Variants in LRPPRC observed in about 807,000 individuals in gnomAD.
LRPPRC encodes leucine rich pentatricopeptide repeat containing.
A neutral mutation model predicts 180.3 loss-of-function variants in LRPPRC; 120 were observed. That is an observed-to-expected ratio of 0.67 (90% CI 0.57 to 0.77). The LOEUF (loss-of-function observed/expected upper bound fraction) is 0.77. LRPPRC is among the 30% of genes least tolerant of loss of function. The pLI, the probability that LRPPRC is intolerant of heterozygous loss-of-function variation, is 0.00. For missense variants in LRPPRC, 2,012 were observed against 1,657.2 expected (o/e 1.21, Z -3.72); for synonymous variants, 723 against 600.0 (o/e 1.21, Z -3.00).
intron 25 of LRPPRC, among the ~76,000 whole-genome samples, chr2:43,933,159 T>C (rs1672151047): frequency 6.6e-6 from 1 of 152,190 alleles, no homozygotes; most frequent in Non-Finnish European, 1.5e-5. Flanking sequence ...TGCTGACAAG[T>C]GGGCAGATTG....
intron 26 of LRPPRC, among the ~76,000 whole-genome samples, chr2:43,925,459 T>C (rs981680100): frequency 5.3e-5 from 8 of 152,200 alleles, no homozygotes; most frequent in Admixed American, 5.2e-4. Context: ...GAGAACTCAA[T>C]GAGTGTATCG....
rs116311240 is a variant in LRPPRC, at chr2:43,929,854, G to A, written c.2737-3893C>T. Among the ~76,000 whole-genome samples the A allele has an allele frequency of 7.0e-4, 106 of 152,134 alleles. 1 individual carries two copies. Among genetic ancestry groups the A allele is most frequent in the African/African-American group, 2.5e-3 (104 of 41,508 alleles). On this transcript the variant is annotated intron_variant, in intron 25 of 37. Coordinates refer to ENST00000260665, the MANE Select transcript of LRPPRC (RefSeq NM_133259.4). ...TCATGAACTAAAAAATTATCCACTT[G>A]ACCAGGTGTTATAGGAGATACTAAA...
At chr2:43,926,673 G>A (rs1671890575) in intron 25 of LRPPRC, among the ~76,000 whole-genome samples, 1 of 152,166 alleles carries the variant, frequency 6.6e-6, no homozygotes, top group Non-Finnish European at 1.5e-5. Flanking sequence ...GACTGCACGT[G>A]CTCTTTCTCA....
In LRPPRC at chr2:43,975,123, C is replaced by T; in HGVS notation, c.832G>A (p.Ala278Thr). 5 of 1,613,384 alleles carry T rather than the reference C, an allele frequency of 3.1e-6. No homozygotes were observed. The highest frequency in any genetic ancestry group is 4.2e-6 in the Non-Finnish European group (5 of 1,179,686). Residue 278 changes from alanine to threonine, a missense_variant, in exon 7 of 38, where the codon GCT (alanine) becomes ACT (threonine). Physicochemically the swap from Ala to Thr is moderately conservative, Grantham distance 58. Coordinates refer to ENST00000260665, the MANE Select transcript of LRPPRC (RefSeq NM_133259.4). ...DTYLALLNAYAEKGDIDHVKQ... is the reference protein window; with the variant it reads ...DTYLALLNAYTEKGDIDHVKQ... The stretch of plus-strand genomic sequence containing the variant: ...ACATGGTCAATGTCGCCCTTCTCAG[C>T]ATATGCATTCAATAATGCGAGGTAT...
intron 31 of LRPPRC, among the ~76,000 whole-genome samples, chr2:43,905,400 G>T (rs893045109): frequency 3.9e-5 from 6 of 152,100 alleles, no homozygotes; most frequent in Non-Finnish European, 8.8e-5. Context: ...ACTTTCTCTC[G>T]TTCTGGAACA....
At position 43,918,005 on chromosome 2, in the gene LRPPRC, C is replaced by T. The variant is rs753390235; in HGVS notation, c.3148+20G>A. ...GAAGACCACCCCCCCACACACACCCCCATCCCCGTATGTGCTTGCCTTTTT... is the reference window on the plus strand; with the variant it reads ...GAAGACCACCCCCCCACACACACCCTCATCCCCGTATGTGCTTGCCTTTTT... On this transcript the variant is annotated intron_variant, in intron 29 of 37. Transcript: ENST00000260665. The T allele has an allele frequency of 7.2e-6, 11 of 1,529,360 alleles. No homozygotes were observed. The South Asian group carries it at 1.1e-4, about 16-fold the overall frequency. The allele number at this position is 1,529,360 out of a possible 1,614,324, so 94.7% of individuals were successfully genotyped here.
At chr2:43,889,472 C>G (rs1670402605) in intron 37 of LRPPRC, among the ~76,000 whole-genome samples, 2 of 152,022 alleles carry the variant, frequency 1.3e-5, no homozygotes, top group African/African-American at 4.8e-5. Flanking sequence ...AGAGAACTGC[C>G]CCAAGGACAT....
chr2:43,910,722 T>C (rs1165527804), intron 30 of LRPPRC, among the ~76,000 whole-genome samples: 2 of 152,110 alleles, frequency 1.3e-5, no homozygotes, highest in Non-Finnish European at 2.9e-5. Flanking sequence ...CCACACCAAA[T>C]TGGCTGAATC....
In LRPPRC at chr2:43,905,798, T is replaced by A; in HGVS notation, c.3276-18A>T. 6.6e-7 allele frequency: 1 copy of A among 1,512,096 alleles called. No individual in the cohort carries two copies. The highest frequency in any genetic ancestry group is 9.2e-7 in the Non-Finnish European group (1 of 1,086,628). 93.7% of individuals were successfully genotyped at this position (1,512,096 alleles called of 1,614,324 possible). Reference sequence around the variant, plus strand: ...TCTCCGCGCTAAAAGAAGCAGACATTTAGAAAGGAATTACTGACATGCTTC... The same window carrying A: ...TCTCCGCGCTAAAAGAAGCAGACATATAGAAAGGAATTACTGACATGCTTC... On this transcript the variant is annotated intron_variant, in intron 30 of 37. Transcript: ENST00000260665.
intron 20 of LRPPRC, among the ~76,000 whole-genome samples, chr2:43,946,826 G>A (rs551260274): frequency 4.6e-5 from 7 of 152,074 alleles, no homozygotes; most frequent in South Asian, 4.1e-4. Context: ...CTGGATGCCC[G>A]CTGAAAAAAG....
intron 13 of LRPPRC, among the ~76,000 whole-genome samples, chr2:43,959,408 T>A (rs570948056): frequency 5.3e-5 from 8 of 152,198 alleles, no homozygotes; most frequent in Non-Finnish European, 1.2e-4. Flanking sequence ...AATAACCTGG[T>A]TGGTATAAAG....
chr2:43,976,612 T>A (rs1674066647), intron 5 of LRPPRC, among the ~76,000 whole-genome samples: 1 of 151,478 alleles, frequency 6.6e-6, no homozygotes, highest in Non-Finnish European at 1.5e-5. Context: ...AAATTTTACA[T>A]AAGCAGAGAA....
At chr2:43,985,355 C>G (rs1486032794) in intron 1 of LRPPRC, among the ~76,000 whole-genome samples, 2 of 152,106 alleles carry the variant, frequency 1.3e-5, no homozygotes, top group Admixed American at 6.6e-5. Flanking sequence ...ATCCATCAAC[C>G]AAAGTCCATA....
chr2:43,963,546 T>C, intron 12 of LRPPRC, 42 bp downstream of exon 12: 1 of 1,163,232 alleles, frequency 8.6e-7, no homozygotes, highest in Non-Finnish European at 1.3e-6. Flanking sequence ...GGAGGAAAGA[T>C]ATCCTCTTCA....
intron 34 of LRPPRC, 99 bp from the exon 35 acceptor site, chr2:43,896,807 T>C (rs965412652): frequency 2.6e-6 from 2 of 782,608 alleles, no homozygotes; most frequent in African/African-American, 3.4e-5. Context: ...AATACAGTAG[T>C]GTATTATTAC....
chr2:43,899,392 C>T (rs1670806704), intron 33 of LRPPRC, 58 bp from the exon 34 acceptor site: 1 of 1,606,776 alleles, frequency 6.2e-7, no homozygotes. Flanking sequence ...AACTCACCTA[C>T]CAAAGAAATT....
intron 14 of LRPPRC, among the ~76,000 whole-genome samples, chr2:43,952,181 GA>G (rs1445033508): frequency 6.7e-6 from 1 of 149,720 alleles, no homozygotes; most frequent in Non-Finnish European, 1.5e-5. Flanking sequence ...CAACAAGAGC[GA>G]AATTCCGTCT....
At chr2:43,903,668 G>A (rs949811924) in intron 31 of LRPPRC, 2 of 152,128 alleles carry the variant, frequency 1.3e-5, no homozygotes, top group African/African-American at 2.4e-5. Context: ...CAGCTCAGAA[G>A]AGTAGATGAG....
At chr2:43,959,245 CA>C in intron 13 of LRPPRC, 1 of 712,504 alleles carries the variant, frequency 1.4e-6, no homozygotes. Flanking sequence ...GAGTGGAAGG[CA>C]AAATCAATAC....
Sources: allele counts gnomAD v4.1 joint callset (sites outside exome capture counted in the v4.1 genomes callset), GRCh38; gene constraint gnomAD v4.1.1; transcripts MANE v1.5; gene names NCBI Gene and HGNC (gene_info 2026-07-23, HGNC 2026-07-21).